Variants in SPAG16 observed in about 807,000 individuals in gnomAD.
The protein encoded by SPAG16 is sperm associated antigen 16.
A neutral mutation model predicts 80.4 loss-of-function variants in SPAG16; 86 were observed. The observed-to-expected ratio is 1.07, with a 90% CI of 0.90 to 1.28. The LOEUF (loss-of-function observed/expected upper bound fraction) is 1.28. Among genes scored for constraint, SPAG16 ranks in the 50% most tolerant of loss-of-function variants. The probability of loss-of-function intolerance (pLI) is 0.00; values close to 1 mark genes in which losing one functional copy is unlikely to be tolerated. For synonymous variants in SPAG16, 294 were observed against 265.9 expected, an observed-to-expected ratio of 1.11 and a Z score of -1.03; for missense variants, 870 against 765.3, an observed-to-expected ratio of 1.14 and a Z score of -1.61.
chr2:214,075,015 C>T (rs1016145730), intron 13 of SPAG16, among the ~76,000 whole-genome samples: 6 of 151,996 alleles, frequency 3.9e-5, no homozygotes, highest in Non-Finnish European at 7.4e-5. Flanking sequence ...TAGCTTCATA[C>T]GTTGAAATAC....
Position 213,893,607 on chromosome 2 carries a change from A to T in SPAG16, c.1214+30979A>T, listed in dbSNP as rs2106090239. 1.3e-5 allele frequency among the ~76,000 whole-genome samples: 2 copies of T among 152,132 alleles called. 1 individual carries two copies. Among genetic ancestry groups the T allele is most frequent in the South Asian group, 4.1e-4 (2 of 4,824 alleles). ...TTGTGGGGATGGAGTTAAAATGCAG[A>T]TTTTTCCTGTTTTTTTTCTTTGTTT... On this transcript the variant is annotated intron_variant, in intron 11 of 15. Transcript: ENST00000331683.
chr2:214,159,753 CA>C (rs1389424302), intron 15 of SPAG16, among the ~76,000 whole-genome samples: 1 of 151,454 alleles, frequency 6.6e-6, no homozygotes, highest in Non-Finnish European at 1.5e-5. Context: ...ACTCTATCAC[CA>C]ATAGAAAAAA....
intron 10 of SPAG16, among the ~76,000 whole-genome samples, chr2:213,723,251 C>T (rs975307329): frequency 2.0e-5 from 3 of 152,128 alleles, no homozygotes; most frequent in Non-Finnish European, 2.9e-5. Flanking sequence ...GTGTGGATGG[C>T]ATGTGGCTGG....
intron 10 of SPAG16, among the ~76,000 whole-genome samples, chr2:213,846,774 G>A (rs1451832837): frequency 6.6e-6 from 1 of 151,948 alleles, no homozygotes; most frequent in South Asian, 2.1e-4. Context: ...TAAGAAATTT[G>A]CACCAATTTA....
At chr2:214,229,054 A>G (rs567828971) in intron 15 of SPAG16, among the ~76,000 whole-genome samples, 2 of 151,976 alleles carry the variant, frequency 1.3e-5, no homozygotes, top group South Asian at 4.1e-4. Context: ...CATTCTTTCA[A>G]CAAGTATTAT....
chr2:214,147,838 G>A (rs2055737550), intron 14 of SPAG16, among the ~76,000 whole-genome samples: 1 of 152,114 alleles, frequency 6.6e-6, no homozygotes, highest in African/African-American at 2.4e-5. Flanking sequence ...TTACTGGTGT[G>A]TTTAGAGAAA....
intron 13 of SPAG16, among the ~76,000 whole-genome samples, chr2:214,102,315 T>C (rs2053105930): frequency 6.6e-6 from 1 of 152,064 alleles, no homozygotes; most frequent in Non-Finnish European, 1.5e-5. Flanking sequence ...CATGAAGTAA[T>C]TTTGTTAATG....
intron 10 of SPAG16, among the ~76,000 whole-genome samples, chr2:213,662,806 T>C (rs2063473314): frequency 6.6e-6 from 1 of 152,066 alleles, no homozygotes; most frequent in African/African-American, 2.4e-5. Flanking sequence ...TGACAGATTA[T>C]GAGTTGCTGA....
intron 10 of SPAG16, among the ~76,000 whole-genome samples, chr2:213,674,695 C>T (rs1370463858): frequency 6.7e-6 from 1 of 150,136 alleles, no homozygotes. Context: ...TCATCCATGT[C>T]CCTACAAAGG....
chr2:213,412,753 A>C (rs975190187), intron 9 of SPAG16, among the ~76,000 whole-genome samples: 3 of 152,186 alleles, frequency 2.0e-5, no homozygotes, highest in Non-Finnish European at 4.4e-5. Flanking sequence ...TGAAGAAAAT[A>C]AATGAAACCA....
intron 10 of SPAG16, among the ~76,000 whole-genome samples, chr2:213,592,084 A>G (rs2060712834): frequency 6.6e-6 from 1 of 152,226 alleles, no homozygotes; most frequent in South Asian, 2.1e-4. Context: ...TTTTATTCAT[A>G]TTTTTAAAAG....
intron 8 of SPAG16, among the ~76,000 whole-genome samples, chr2:213,371,905 C>T (rs1174271818): frequency 6.6e-6 from 1 of 151,998 alleles, no homozygotes; most frequent in Non-Finnish European, 1.5e-5. Context: ...TGCTTTATTA[C>T]CTAATCTGAT....
chr2:214,098,271 G>T (rs1441851200), intron 13 of SPAG16, among the ~76,000 whole-genome samples: 1 of 152,040 alleles, frequency 6.6e-6, no homozygotes, highest in Non-Finnish European at 1.5e-5. Flanking sequence ...ATGAGTAGTA[G>T]AATAAAGATA....
At chr2:213,546,123 C>G (rs888284475) in intron 10 of SPAG16, among the ~76,000 whole-genome samples, 2 of 152,108 alleles carry the variant, frequency 1.3e-5, no homozygotes, top group East Asian at 3.8e-4. Flanking sequence ...CAAGGACTCT[C>G]AGGCCTAACT....
intron 12 of SPAG16, among the ~76,000 whole-genome samples, chr2:213,999,838 C>T (rs1575779339): frequency 6.6e-6 from 1 of 152,342 alleles, no homozygotes; most frequent in South Asian, 2.1e-4. Flanking sequence ...TTGACTGCCT[C>T]ACTGGATTTC....
chr2:214,263,400 T>C (rs940725203), intron 15 of SPAG16, among the ~76,000 whole-genome samples: 3 of 152,216 alleles, frequency 2.0e-5, no homozygotes, highest in African/African-American at 7.2e-5. Context: ...TGAATGTGTG[T>C]ATAGCAATGA....
intron 9 of SPAG16, among the ~76,000 whole-genome samples, chr2:213,480,106 G>A (rs2073669949): frequency 6.6e-6 from 1 of 152,202 alleles, no homozygotes; most frequent in Admixed American, 6.5e-5. Flanking sequence ...AATTATGGAA[G>A]CTTACAATAA....
chr2:214,178,456 A>G lies in SPAG16; in HGVS notation c.1720+29190A>G, dbSNP rs564774875. Among the ~76,000 whole-genome samples, 182 of 151,466 alleles carry G rather than the reference A, an allele frequency of 1.2e-3. No homozygotes were observed. In the Middle Eastern group the frequency reaches 0.017, roughly 14 times the overall value. The stretch of plus-strand genomic sequence containing the variant: ...GTACTGGTTCAGCACGCTTGTGCTG[A>G]GGAAACATCTGGATGTGGGTGTTTT... On this transcript the variant is annotated intron_variant, in intron 15 of 15. Coordinates refer to ENST00000331683, the MANE Select transcript of SPAG16 (RefSeq NM_024532.5).
intron 10 of SPAG16, among the ~76,000 whole-genome samples, chr2:213,594,852 G>A (rs550712260): frequency 2.0e-5 from 3 of 151,970 alleles, no homozygotes; most frequent in Non-Finnish European, 4.4e-5. Flanking sequence ...ATTCTCCAAT[G>A]TTTCAAAGTA....
Sources: allele counts gnomAD v4.1 joint callset (sites outside exome capture counted in the v4.1 genomes callset), GRCh38; gene constraint gnomAD v4.1.1; transcripts MANE v1.5; gene names NCBI Gene and HGNC (gene_info 2026-07-23, HGNC 2026-07-21).